Variants in TAFA1 observed in about 807,000 individuals in gnomAD.
TAFA1 encodes the protein TAFA chemokine like family member 1, also known as chemokine-like protein TAFA-1.
In TAFA1, 4 loss-of-function variants were observed where a neutral mutation model predicts 18.5. The observed-to-expected ratio is 0.22, with a 90% CI of 0.11 to 0.49. The LOEUF is 0.49. Among genes scored for constraint, TAFA1 ranks in the 20% least tolerant of loss-of-function variants. The probability of loss-of-function intolerance (pLI) is 0.98; values close to 1 mark genes in which losing one functional copy is unlikely to be tolerated. For missense variants in TAFA1, 147 were observed against 169.0 expected (o/e 0.87, Z 0.72); for synonymous variants, 56 against 55.2 (o/e 1.01, Z -0.06).
intron 3 of TAFA1, chr3:68,417,691 C>A (rs1395904381): frequency 2.5e-6 from 1 of 400,306 alleles, no homozygotes; most frequent in Non-Finnish European, 4.5e-6. Context: ...GGGCTGTGAG[C>A]AACTGTATTA....
intron 2 of TAFA1, among the ~76,000 whole-genome samples, chr3:68,103,012 C>G (rs1457092789): frequency 1.3e-5 from 2 of 152,194 alleles, no homozygotes; most frequent in African/African-American, 4.8e-5. Flanking sequence ...TGAGTTTATT[C>G]TCTTAAGGTC....
chr3:68,187,715 T>C (rs1011988615), intron 2 of TAFA1, among the ~76,000 whole-genome samples: 2 of 152,098 alleles, frequency 1.3e-5, no homozygotes, highest in South Asian at 2.1e-4. Flanking sequence ...CAAAGCAGTG[T>C]TTAGTTTTAG....
chr3:68,041,619 CTA>C (rs1289421381), intron 2 of TAFA1, among the ~76,000 whole-genome samples: 3 of 152,154 alleles, frequency 2.0e-5, no homozygotes, highest in Non-Finnish European at 4.4e-5. Context: ...TGAGTGTCTG[CTA>C]TGTTAGGCAT....
At chr3:68,469,094 G>A (rs2071944085) in intron 3 of TAFA1, among the ~76,000 whole-genome samples, 2 of 152,030 alleles carry the variant, frequency 1.3e-5, no homozygotes, top group African/African-American at 4.8e-5. Flanking sequence ...AGAGGTCACA[G>A]AGAAGAACAC....
At chr3:68,465,904 G>T (rs566811869) in intron 3 of TAFA1, among the ~76,000 whole-genome samples, 3 of 152,300 alleles carry the variant, frequency 2.0e-5, no homozygotes, top group Non-Finnish European at 4.4e-5. Flanking sequence ...AGGGGAGTAA[G>T]GGGTGGGATA....
At chr3:68,251,021 C>A (rs1200658118) in intron 2 of TAFA1, 1 of 152,044 alleles carries the variant, frequency 6.6e-6, no homozygotes, top group Non-Finnish European at 1.5e-5. Flanking sequence ...ATTCCCAAAT[C>A]TCCAACTTAC....
At chr3:68,249,036 G>A (rs564111380) in intron 2 of TAFA1, among the ~76,000 whole-genome samples, 38 of 152,136 alleles carry the variant, frequency 2.5e-4, no homozygotes, top group African/African-American at 9.2e-4. Context: ...CTGGCTCTGG[G>A]TCTCTTCTTC....
rs142109156 is a variant in TAFA1, at chr3:68,087,208, A to G, written c.118+80464A>G. On this transcript the variant is annotated intron_variant, in intron 2 of 4. Coordinates refer to ENST00000478136, the MANE Select transcript of TAFA1 (RefSeq NM_213609.4). ...AGCTCTCATACTCAGCTACTTCAGTAGAAATCCTTTTGAGACAATAGTTGA... is the reference window on the plus strand; with the variant it reads ...AGCTCTCATACTCAGCTACTTCAGTGGAAATCCTTTTGAGACAATAGTTGA... Among the ~76,000 whole-genome samples, 108 of 152,338 alleles carry G rather than the reference A, an allele frequency of 7.1e-4. No homozygotes were observed. The East Asian group carries it at 0.019, about 26-fold the overall frequency.
In TAFA1 at chr3:68,395,976, T is replaced by C. The variant is rs1278877527; in HGVS notation, c.119-21304T>C. ...ATAATAATAAAATATCTACTGGCAT[T>C]CTCCCCAATTGTGTTTGAGAGTGTC... On this transcript the variant is annotated intron_variant, in intron 2 of 4. Transcript: ENST00000478136. Among the ~76,000 whole-genome samples the C allele has an allele frequency of 3.3e-5, 5 of 151,926 alleles. No individual in the cohort carries two copies. The East Asian group carries it at 9.6e-4, about 29-fold the overall frequency.
At chr3:68,327,027 G>A (rs2068786664) in intron 2 of TAFA1, among the ~76,000 whole-genome samples, 1 of 152,134 alleles carries the variant, frequency 6.6e-6, no homozygotes, top group African/African-American at 2.4e-5. Flanking sequence ...AATCATGGGG[G>A]TGGTTCTTTC....
chr3:68,392,129 G>GAC (rs2070268315), intron 2 of TAFA1, among the ~76,000 whole-genome samples: 1 of 127,016 alleles, frequency 7.9e-6, no homozygotes, highest in Non-Finnish European at 1.6e-5. Context: ...CATGTGCAAA[G>GAC]ACACACATAG....
At chr3:68,268,552 ATG>A in intron 2 of TAFA1, among the ~76,000 whole-genome samples, 1 of 152,138 alleles carries the variant, frequency 6.6e-6, no homozygotes, top group African/African-American at 2.4e-5. Context: ...GGGAGAAAAT[ATG>A]GTGAAGGAAA....
intron 2 of TAFA1, among the ~76,000 whole-genome samples, chr3:68,195,689 T>C (rs1246399675): frequency 6.6e-6 from 1 of 151,698 alleles, no homozygotes; most frequent in Non-Finnish European, 1.5e-5. Context: ...GGCTGAGAAA[T>C]CCTGTTTTCA....
rs1182956624 is a variant in TAFA1, at chr3:68,461,362, T to C, written c.259+43942T>C. Among the ~76,000 whole-genome samples the C allele has an allele frequency of 3.0e-5, 4 of 134,942 alleles. No homozygotes were observed. The East Asian group carries it at 6.8e-4, about 23-fold the overall frequency. 88.5% of individuals were successfully genotyped at this position (134,942 alleles called of 152,430 possible). On this transcript the variant is annotated intron_variant, in intron 3 of 4. Coordinates refer to ENST00000478136, the MANE Select transcript of TAFA1 (RefSeq NM_213609.4). ...AGGAACCCAGGCCAATGAAAGTGCA[T>C]ATATATATATATATATATGTATGTA...
At chr3:68,337,339 T>G (rs1552713) in intron 2 of TAFA1, among the ~76,000 whole-genome samples, 90,422 of 151,596 alleles carry the variant, frequency 0.6, 27,827 homozygotes, top group East Asian at 1. Flanking sequence ...TAAACAATCA[T>G]ATCTCATGAG....
intron 2 of TAFA1, among the ~76,000 whole-genome samples, chr3:68,023,167 C>G (rs747405873): frequency 5.9e-5 from 9 of 151,768 alleles, no homozygotes; most frequent in Admixed American, 2.0e-4. Context: ...TGATGGACAG[C>G]GTTAAGATGG....
At chr3:68,358,213 G>C (rs1004527326) in intron 2 of TAFA1, among the ~76,000 whole-genome samples, 2 of 151,778 alleles carry the variant, frequency 1.3e-5, no homozygotes, top group African/African-American at 4.8e-5. Flanking sequence ...ACATAATTTT[G>C]AATTGTTTTT....
At chr3:68,307,768 A>C (rs2068446390) in intron 2 of TAFA1, among the ~76,000 whole-genome samples, 1 of 152,074 alleles carries the variant, frequency 6.6e-6, no homozygotes, top group Non-Finnish European at 1.5e-5. Context: ...TATTCATGAG[A>C]AGGTGGGTTC....
chr3:68,302,153 G>C (rs184572752), intron 2 of TAFA1, among the ~76,000 whole-genome samples: 166 of 152,186 alleles, frequency 1.1e-3, no homozygotes, highest in African/African-American at 3.9e-3. Flanking sequence ...TTTGTAGTTG[G>C]AATTTGAAAG....
Sources: allele counts gnomAD v4.1 joint callset (sites outside exome capture counted in the v4.1 genomes callset), GRCh38; gene constraint gnomAD v4.1.1; transcripts MANE v1.5; gene names NCBI Gene and HGNC (gene_info 2026-07-23, HGNC 2026-07-21).